The following TAF1 variants were observed in gnomAD, a reference collection of about 807,000 sequenced individuals.
TAF1 encodes transcription initiation factor TFIID subunit 1.
A neutral mutation model predicts 138.5 loss-of-function variants in TAF1; 2 were observed. The observed-to-expected ratio is 0.01, with a 90% CI of 0.01 to 0.05. The LOEUF is 0.05. Ranked by LOEUF, TAF1 falls within the 10% of genes least tolerant of loss-of-function variation. The pLI is 1.00. For missense variants in TAF1, 709 were observed against 1,478.0 expected, an observed-to-expected ratio of 0.48 and a Z score of 8.53; for synonymous variants, 437 against 503.2, an observed-to-expected ratio of 0.87 and a Z score of 1.76.
At chrX:71,372,555 C>T (rs1490838706) in intron 3 of TAF1, among the ~76,000 whole-genome samples, 1 of 106,660 alleles carries the variant, frequency 9.4e-6, no homozygotes, top group African/African-American at 3.4e-5. Context: ...GGGAAGATAA[C>T]TTGAGCCCAG....
chrX:71,438,086 C>G (rs2148695613), intron 32 of TAF1, among the ~76,000 whole-genome samples: 1 of 110,613 alleles, frequency 9.0e-6, no homozygotes, highest in South Asian at 3.8e-4. Context: ...TCCACCTCCC[C>G]TCAGCCTTCC....
At chrX:71,451,435 T>C (rs1008047721) in intron 32 of TAF1, among the ~76,000 whole-genome samples, 1 of 111,875 alleles carries the variant, frequency 8.9e-6, no homozygotes, top group Admixed American at 9.5e-5. Flanking sequence ...TTATTGTTCA[T>C]TATTTTAGAT....
chrX:71,428,365 T>C (rs952762365), intron 32 of TAF1, among the ~76,000 whole-genome samples: 2 of 111,612 alleles, frequency 1.8e-5, no homozygotes, highest in Non-Finnish European at 3.8e-5. Flanking sequence ...TGGAAAGCTA[T>C]TTGGCAACAT....
chrX:71,454,124 G>C lies in TAF1; in HGVS notation c.4754-46G>C, dbSNP rs142427870. 1.5e-3 allele frequency: 1,728 copies of C among 1,117,978 alleles called. 20 individuals carry two copies. The African/African-American group carries it at 0.028, about 18-fold the overall frequency. 92.1% of individuals were successfully genotyped at this position (1,117,978 alleles called of 1,213,427 possible). ...TGCTGATGACAGAATGTAAAATTCTGGAACAAGTCTGCAAAGATAATGGCA... is the reference window on the plus strand; with the variant it reads ...TGCTGATGACAGAATGTAAAATTCTCGAACAAGTCTGCAAAGATAATGGCA... On this transcript the variant is annotated intron_variant, in intron 32 of 37. Transcript: ENST00000423759.
intron 13 of TAF1, among the ~76,000 whole-genome samples, chrX:71,499,988 G>A (rs953739609): frequency 3.6e-5 from 4 of 111,179 alleles, no homozygotes; most frequent in African/African-American, 3.3e-5. Flanking sequence ...ATATGTACCC[G>A]GGTTGGGCAA....
chrX:71,434,864 TC>T (rs1335378129), intron 32 of TAF1, among the ~76,000 whole-genome samples: 2 of 112,580 alleles, frequency 1.8e-5, no homozygotes, highest in Admixed American at 1.9e-4. Flanking sequence ...TACAGATAAG[TC>T]CCTTCTGAAA....
intron 22 of TAF1, among the ~76,000 whole-genome samples, chrX:71,396,650 G>A (rs1387355185): frequency 3.6e-5 from 4 of 111,725 alleles, no homozygotes; most frequent in African/African-American, 1.3e-4. Flanking sequence ...CTTTTCTCTT[G>A]CACTGTTGTT....
At chrX:71,384,668 A>G (rs981434789) in intron 13 of TAF1, among the ~76,000 whole-genome samples, 1 of 111,437 alleles carries the variant, frequency 9.0e-6, no homozygotes, top group African/African-American at 3.3e-5. Context: ...TTGGCCTTCC[A>G]AAGTGCTGAG....
At chrX:71,379,130 G>A (rs909233348) in intron 8 of TAF1, 99 bp downstream of exon 8, 2 of 663,506 alleles carry the variant, frequency 3.0e-6, no homozygotes, top group Non-Finnish European at 4.2e-6. Flanking sequence ...TTTTTTTTTC[G>A]GTGAGACAGA....
At chrX:71,452,709 C>T (rs1253723528) in intron 32 of TAF1, among the ~76,000 whole-genome samples, 1 of 111,868 alleles carries the variant, frequency 8.9e-6, no homozygotes, top group Non-Finnish European at 1.9e-5. Flanking sequence ...CCAAGGCAGG[C>T]AGCTGGGAGG....
chrX:71,430,338 C>T (rs988431245), intron 32 of TAF1, among the ~76,000 whole-genome samples: 4 of 100,710 alleles, frequency 4.0e-5, no homozygotes, highest in Admixed American at 1.1e-4. Flanking sequence ...GAGCCGAGAT[C>T]GTGCTACTGC....
At chrX:71,370,204 G>A (rs1234296177) in intron 3 of TAF1, among the ~76,000 whole-genome samples, 3 of 111,851 alleles carry the variant, frequency 2.7e-5, no homozygotes, top group African/African-American at 9.7e-5. Context: ...CAGCCTGGGC[G>A]GCAAGAGCTA....
chrX:71,504,216 G>C (rs965522046), intron 13 of TAF1, among the ~76,000 whole-genome samples: 1 of 109,885 alleles, frequency 9.1e-6, no homozygotes, highest in African/African-American at 3.3e-5. Flanking sequence ...CCCTACAACG[G>C]TGTTAGCCCA....
At position 71,428,011 on chromosome X, in the gene TAF1, ATT is replaced by A. The variant is rs779199962; in HGVS notation, c.4753+3792_4753+3793del. 9.1e-4 allele frequency among the ~76,000 whole-genome samples: 68 copies of A among 74,431 alleles called. 1 individual carries two copies. Among genetic ancestry groups the A allele is most frequent in the Admixed American group, 2.5e-3 (13 of 5,199 alleles). 64.6% of individuals were successfully genotyped at this position (74,431 alleles called of 115,157 possible). A position where few individuals can be genotyped will look rare whatever the true frequency, so the allele number is the denominator to read the frequency against. ...TTTTTAAACCTATTAGATTAGCTCA[ATT>A]TTTTTTTTTTTTTTTTTTCTGAGAT... On this transcript the variant is annotated intron_variant, in intron 32 of 37. Transcript: ENST00000423759.
chrX:71,385,238 T>C (rs1049776932), intron 14 of TAF1, among the ~76,000 whole-genome samples, 189 bp downstream of exon 14: 3 of 112,381 alleles, frequency 2.7e-5, no homozygotes, highest in Non-Finnish European at 3.8e-5. Flanking sequence ...AATTGTGTTA[T>C]TCTCAGGCTA....
At chrX:71,489,263 G>T (rs764755292) in intron 13 of TAF1, among the ~76,000 whole-genome samples, 10 of 111,004 alleles carry the variant, frequency 9.0e-5, no homozygotes, top group Non-Finnish European at 1.7e-4. Context: ...CTGCCTCTTT[G>T]TGATACTGGG....
intron 13 of TAF1, among the ~76,000 whole-genome samples, chrX:71,485,280 G>A (rs2039150880): frequency 1.8e-5 from 2 of 112,163 alleles, no homozygotes; most frequent in African/African-American, 6.5e-5. Context: ...TTCCCCAAAT[G>A]GTAACATCTT....
intron 13 of TAF1, among the ~76,000 whole-genome samples, chrX:71,480,729 G>T (rs957540615): frequency 9.0e-6 from 1 of 111,644 alleles, no homozygotes; most frequent in Admixed American, 9.6e-5. Context: ...AAGAGAATGT[G>T]TATGTGTTAA....
intron 4 of TAF1, among the ~76,000 whole-genome samples, chrX:71,376,130 T>A (rs929182739): frequency 2.7e-5 from 3 of 111,917 alleles, no homozygotes; most frequent in African/African-American, 9.7e-5. Flanking sequence ...CTCCTGTATT[T>A]TGAGGCTTGT....
Sources: allele counts gnomAD v4.1 joint callset (sites outside exome capture counted in the v4.1 genomes callset), GRCh38; gene constraint gnomAD v4.1.1; transcripts MANE v1.5; gene names NCBI Gene and HGNC (gene_info 2026-07-23, HGNC 2026-07-21).